Variants in IL37 observed in about 807,000 individuals in gnomAD.
The protein encoded by IL37 is interleukin-37.
Under a neutral mutation model 15.4 loss-of-function variants are expected in IL37, and 15 were observed. That is an observed-to-expected ratio of 0.98 (90% confidence interval 0.65 to 1.50). The LOEUF (loss-of-function observed/expected upper bound fraction) is 1.50. Ranked by LOEUF, IL37 falls within the 40% of genes most tolerant of loss-of-function variation. IL37 has a pLI of 0.00. For missense variants in IL37, 269 were observed against 261.7 expected, an observed-to-expected ratio of 1.03 and a Z score of -0.19; for synonymous variants, 98 against 97.4, an observed-to-expected ratio of 1.01 and a Z score of -0.03.
At position 112,913,864 on chromosome 2, in the gene IL37, C is replaced by A. The variant is rs375647231; in HGVS notation, c.145+10C>A. On this transcript the variant is annotated intron_variant, in intron 3 of 5. Transcript: ENST00000263326. ...AATTTTGTTCACACAAGTAAGGCCT[C>A]GGGGTGAGGTGATGGGGGTGGCTGA... is the stretch of plus-strand genomic sequence containing the variant. 11 of 1,606,712 alleles carry A rather than the reference C, an allele frequency of 6.8e-6. No homozygotes were observed. The Admixed American group carries it at 1.2e-4, about 17-fold the overall frequency.
intron 2 of IL37, among the ~76,000 whole-genome samples, 158 bp downstream of exon 2, chr2:112,913,252 G>A (rs1683217699): frequency 6.6e-6 from 1 of 152,178 alleles, no homozygotes; most frequent in African/African-American, 2.4e-5. Flanking sequence ...GAGAAATTCT[G>A]GAAGGGAAAA....
Position 112,913,807 on chromosome 2 carries a change from C to T in IL37, c.98C>T (p.Pro33Leu). 1 of 1,613,780 alleles carries T rather than the reference C, an allele frequency of 6.2e-7. No homozygotes were observed. Among genetic ancestry groups the T allele is most frequent in the Non-Finnish European group, 8.5e-7 (1 of 1,179,670 alleles). The change falls in exon 3 of 6, where the codon CCC (proline) becomes CTC (leucine). Residue 33 changes from proline to leucine, a missense_variant. Pro to Leu is a moderately conservative substitution (Grantham distance 98, BLOSUM62 -3). Transcript: ENST00000263326. ...QCCLEDPAGS[P>L]LEPGPSLPTM... ...CTGACTGCAGACCCGGCTGGAAGCC[C>T]CCTGGAACCAGGCCCAAGCCTCCCC...
In IL37 at chr2:112,918,804, G is replaced by C. The variant is rs2723192; in HGVS notation, c.652G>C (p.Asp218His). The change falls in exon 6 of 6, where the codon GAT (aspartate) becomes CAT (histidine). Residue 218 changes from aspartate to histidine, a missense_variant. Asp to His is a moderately conservative substitution (Grantham distance 81). Coordinates refer to ENST00000263326, the MANE Select transcript of IL37 (RefSeq NM_014439.4). ...KAEMSPSEVS[D>H] ...TGAAATGAGCCCCAGTGAGGTCAGC[G>C]ATTAGGAAACTGCCCCATTGAACGC... 1 of 1,610,692 alleles carries C rather than the reference G, an allele frequency of 6.2e-7. No homozygotes were observed. The highest frequency in any genetic ancestry group is 8.5e-7 in the Non-Finnish European group (1 of 1,177,164).
chr2:112,915,279 T>G (rs759812536), intron 3 of IL37: 2 of 1,605,846 alleles, frequency 1.2e-6, no homozygotes, highest in Non-Finnish European at 1.7e-6. Flanking sequence ...AAAATGATGG[T>G]GCTAGAAAAG....
intron 5 of IL37, 105 bp downstream of exon 5, chr2:112,917,882 T>A: frequency 8.3e-7 from 1 of 1,202,508 alleles, no homozygotes; most frequent in Non-Finnish European, 1.2e-6. Context: ...TTGGCCAATA[T>A]AACAGGGACA....
intron 3 of IL37, chr2:112,915,313 C>T (rs2708940): frequency 0.08 from 115,473 of 1,442,878 alleles, 5,269 homozygotes; most frequent in African/African-American, 0.17. Flanking sequence ...AGAGCATTTT[C>T]CAGTCTCACC....
rs186520759 is a variant in IL37 at position 112,915,250 on chromosome 2, C to T, written c.145+1396C>T. On this transcript the variant is annotated intron_variant, in intron 3 of 5. Coordinates refer to ENST00000263326, the MANE Select transcript of IL37 (RefSeq NM_014439.4). ...CAAAGGAAAGAACAGCTTTAAGAAG[C>T]GCTTAAGAGGTACAAAGTAAAATGA... 1.9e-5 allele frequency: 30 copies of T among 1,613,418 alleles called. No individual in the cohort carries two copies. In the South Asian group the frequency reaches 1.9e-4, roughly 10 times the overall value.
intron 3 of IL37, among the ~76,000 whole-genome samples, chr2:112,916,811 G>A (rs1248269891): frequency 6.6e-6 from 1 of 152,186 alleles, no homozygotes; most frequent in Non-Finnish European, 1.5e-5. Flanking sequence ...CTCTCAAGTA[G>A]GTGCTGCTAT....
chr2:112,915,194 T>C (rs751818288), intron 3 of IL37: 6 of 1,613,794 alleles, frequency 3.7e-6, no homozygotes, highest in Non-Finnish European at 5.1e-6. Context: ...TGAGATCCTA[T>C]GTCAGGCTGT....
Position 112,918,804 on chromosome 2 carries a change from G to A in IL37, c.652G>A (p.Asp218Asn), listed in dbSNP as rs2723192. 0.078 allele frequency: 124,850 copies of A among 1,610,556 alleles called. 5,615 individuals carry two copies. Among genetic ancestry groups the A allele is most frequent in the African/African-American group, 0.17 (12,426 of 74,926 alleles). ...KAEMSPSEVS[D>N] ...TGAAATGAGCCCCAGTGAGGTCAGCGATTAGGAAACTGCCCCATTGAACGC... is the reference window on the plus strand; with the variant it reads ...TGAAATGAGCCCCAGTGAGGTCAGCAATTAGGAAACTGCCCCATTGAACGC... Residue 218 changes from aspartate (D) to asparagine (N), a missense_variant, in exon 6 of 6, where the codon GAT becomes AAT. Physicochemically the swap from Asp to Asn is conservative, Grantham distance 23. Coordinates refer to ENST00000263326, the MANE Select transcript of IL37 (RefSeq NM_014439.4).
chr2:112,917,595 G>T (rs780243678), intron 4 of IL37, 40 bp from the exon 5 acceptor site: 4 of 1,526,752 alleles, frequency 2.6e-6, no homozygotes, highest in Middle Eastern at 2.3e-4. Flanking sequence ...ACCTTTCCCT[G>T]CTCTCAGAAC....
intron 4 of IL37, 131 bp from the exon 5 acceptor site, chr2:112,917,504 G>C (rs1683343241): frequency 2.0e-6 from 2 of 985,916 alleles, no homozygotes; most frequent in Non-Finnish European, 3.0e-6. Context: ...GCTTAAACCA[G>C]TGTGATGGAG....
At chr2:112,913,717 T>C in intron 2 of IL37, 75 bp from the exon 3 acceptor site, 1 of 1,146,512 alleles carries the variant, frequency 8.7e-7, no homozygotes, top group Non-Finnish European at 1.3e-6. Context: ...AAGAGGGAAT[T>C]AAATGGTCTT....
At chr2:112,916,083 G>C (rs949313960) in intron 3 of IL37, among the ~76,000 whole-genome samples, 4 of 152,218 alleles carry the variant, frequency 2.6e-5, no homozygotes, top group Non-Finnish European at 2.9e-5. Context: ...ATTCTACAGT[G>C]AGAAACCCAG....
Position 112,913,866 on chromosome 2 carries a change from G to A in IL37, c.145+12G>A, listed in dbSNP as rs1429541578. ...TTTTGTTCACACAAGTAAGGCCTCG[G>A]GGTGAGGTGATGGGGGTGGCTGAGG... is the stretch of plus-strand genomic sequence containing the variant. On this transcript the variant is annotated intron_variant, in intron 3 of 5. Coordinates refer to ENST00000263326, the MANE Select transcript of IL37 (RefSeq NM_014439.4). 1 of 1,611,522 alleles carries A rather than the reference G, an allele frequency of 6.2e-7. No individual in the cohort carries two copies. Among genetic ancestry groups the A allele is most frequent in the Non-Finnish European group, 8.5e-7 (1 of 1,177,674 alleles).
chr2:112,912,965 C>T lies in IL37; in HGVS notation c.-48C>T. ...TGGTCCCCTTTCTATCTCCTTAGGT[C>T]TTGGACTTCATTCCATTTTCTGTTG... On this transcript the variant is annotated splice_region_variant and 5_prime_UTR_variant, in exon 2 of 6. Coordinates refer to ENST00000263326, the MANE Select transcript of IL37 (RefSeq NM_014439.4). 1 of 1,424,492 alleles carries T rather than the reference C, an allele frequency of 7.0e-7. No homozygotes were observed. Among genetic ancestry groups the T allele is most frequent in the Non-Finnish European group, 9.7e-7 (1 of 1,033,504 alleles). The allele number at this position is 1,424,492 out of a possible 1,614,324, so 88.2% of individuals were successfully genotyped here.
chr2:112,917,818 C>T lies in IL37; in HGVS notation c.408+41C>T, dbSNP rs767771385. On this transcript the variant is annotated intron_variant, in intron 5 of 5. Transcript: ENST00000263326. ...CAGTTTCCTGGGCCTTTGGCTACCCCAAAGTAAAAGGCCAAGATCCTCAAT... is the reference window on the plus strand; with the variant it reads ...CAGTTTCCTGGGCCTTTGGCTACCCTAAAGTAAAAGGCCAAGATCCTCAAT... 5 of 1,608,950 alleles carry T rather than the reference C, an allele frequency of 3.1e-6. No homozygotes were observed. In the Admixed American group the frequency reaches 6.7e-5, roughly 21 times the overall value.
intron 2 of IL37, 83 bp from the exon 3 acceptor site, chr2:112,913,709 G>T (rs1683232398): frequency 9.8e-7 from 1 of 1,016,624 alleles, no homozygotes. Flanking sequence ...ATACACAGAA[G>T]AGGGAATTAA....
chr2:112,915,169 C>T (rs1426295873), intron 3 of IL37: 4 of 1,608,854 alleles, frequency 2.5e-6, no homozygotes, highest in Non-Finnish European at 3.4e-6. Flanking sequence ...GTGAACTAGT[C>T]TGCATGTGAG....
Sources: allele counts gnomAD v4.1 joint callset (sites outside exome capture counted in the v4.1 genomes callset), GRCh38; gene constraint gnomAD v4.1.1; transcripts MANE v1.5; gene names NCBI Gene and HGNC (gene_info 2026-07-23, HGNC 2026-07-21).